The following CACNB2 variants were observed in gnomAD, a reference collection of about 807,000 sequenced individuals.
CACNB2 encodes the protein voltage-dependent L-type calcium channel subunit beta-2.
Under a neutral mutation model 73.3 loss-of-function variants are expected in CACNB2, and 42 were observed. The observed-to-expected ratio is 0.57, with a 90% confidence interval of 0.45 to 0.74. The LOEUF is 0.74. CACNB2 is among the 30% of genes least tolerant of loss of function. CACNB2 has a pLI of 0.00. For missense variants in CACNB2, 940 were observed against 853.0 expected, an observed-to-expected ratio of 1.10 and a Z score of -1.27; for synonymous variants, 348 against 310.3, an observed-to-expected ratio of 1.12 and a Z score of -1.28.
chr10:18,374,441 G>A (rs11013910), intron 2 of CACNB2, among the ~76,000 whole-genome samples: 15,830 of 152,204 alleles, frequency 0.1, 923 homozygotes, highest in Non-Finnish European at 0.12. Context: ...AATTAGTCAA[G>A]GCAAGGCCGG....
At chr10:18,142,372 C>G (rs780689468) in intron 1 of CACNB2, among the ~76,000 whole-genome samples, 29 of 152,176 alleles carry the variant, frequency 1.9e-4, no homozygotes, top group Non-Finnish European at 4.4e-5. Flanking sequence ...AGCTACATTC[C>G]CATCTGGCCT....
intron 9 of CACNB2, among the ~76,000 whole-genome samples, chr10:18,522,612 G>T (rs1445271606): frequency 6.6e-6 from 1 of 152,110 alleles, no homozygotes; most frequent in Admixed American, 6.5e-5. Flanking sequence ...GGGCTTGGTG[G>T]CTCCTGCCTG....
intron 2 of CACNB2, among the ~76,000 whole-genome samples, chr10:18,163,098 G>A (rs548457390): frequency 6.6e-6 from 1 of 152,240 alleles, no homozygotes; most frequent in East Asian, 1.9e-4. Context: ...CATACACAGA[G>A]GTCGAAGAGT....
intron 2 of CACNB2, among the ~76,000 whole-genome samples, chr10:18,332,458 A>T (rs1589062651): frequency 6.6e-6 from 1 of 152,200 alleles, no homozygotes; most frequent in South Asian, 2.1e-4. Context: ...AGAGTCATCA[A>T]ATTGGCGTTA....
chr10:18,317,479 T>C (rs1455211772), intron 2 of CACNB2, among the ~76,000 whole-genome samples: 3 of 152,212 alleles, frequency 2.0e-5, no homozygotes. Context: ...CGTGAGAACA[T>C]GTAGAATTTG....
intron 2 of CACNB2, among the ~76,000 whole-genome samples, chr10:18,385,004 G>T (rs1298478215): frequency 1.3e-5 from 2 of 152,020 alleles, no homozygotes; most frequent in South Asian, 2.1e-4. Context: ...TGCCGGCTGG[G>T]TGCGGTAGAT....
At chr10:18,207,531 C>A (rs1419912464) in intron 2 of CACNB2, among the ~76,000 whole-genome samples, 2 of 152,108 alleles carry the variant, frequency 1.3e-5, no homozygotes, top group Non-Finnish European at 1.5e-5. Context: ...AACTATATAT[C>A]TTAGTTAATA....
intron 3 of CACNB2, among the ~76,000 whole-genome samples, chr10:18,478,236 T>C (rs558952538): frequency 2.0e-5 from 3 of 151,848 alleles, no homozygotes; most frequent in East Asian, 1.9e-4. Context: ...CTGGCCGGAG[T>C]TTTTATTTTC....
rs935041873 is a variant in CACNB2, at chr10:18,541,278, G to A, written c.*1554G>A. On this transcript the variant is annotated 3_prime_UTR_variant, in exon 14 of 14. Coordinates refer to ENST00000324631, the MANE Select transcript of CACNB2 (RefSeq NM_201596.3). ...AGAAGAAATCAGGGCAAAATGGGGTGACTTGAAGTGAATAAAATGTTAAGA... is the reference window on the plus strand; with the variant it reads ...AGAAGAAATCAGGGCAAAATGGGGTAACTTGAAGTGAATAAAATGTTAAGA... The A allele has an allele frequency of 5.9e-5, 9 of 152,626 alleles. No individual in the cohort carries two copies. Among genetic ancestry groups the A allele is most frequent in the African/African-American group, 1.9e-4 (8 of 41,442 alleles). The allele number at this position is 152,626 out of a possible 1,614,324, so 9.5% of individuals were successfully genotyped here. A position where few individuals can be genotyped will look rare whatever the true frequency, so the allele number is the denominator to read the frequency against.
chr10:18,428,890 T>C (rs2209589), intron 3 of CACNB2, among the ~76,000 whole-genome samples: 135,668 of 152,196 alleles, frequency 0.89, 60,809 homozygotes, highest in African/African-American at 0.97. Flanking sequence ...ACTTGATTTA[T>C]ATTTTTGCCA....
intron 2 of CACNB2, among the ~76,000 whole-genome samples, chr10:18,152,928 G>C (rs1335360273): frequency 6.6e-6 from 1 of 152,102 alleles, no homozygotes. Context: ...CGTGAAGGCA[G>C]TCACTGGACT....
chr10:18,281,777 G>A (rs927685191), intron 2 of CACNB2, among the ~76,000 whole-genome samples: 1 of 151,938 alleles, frequency 6.6e-6, no homozygotes, highest in African/African-American at 2.4e-5. Context: ...TCAGGAGTTC[G>A]AGACCAGCCT....
chr10:18,212,384 A>AT (rs2035353408), intron 2 of CACNB2, among the ~76,000 whole-genome samples: 1 of 151,776 alleles, frequency 6.6e-6, no homozygotes, highest in African/African-American at 2.4e-5. Flanking sequence ...TTTTATATTG[A>AT]TTTGTAGAAG....
At chr10:18,176,632 C>T (rs368088104) in intron 2 of CACNB2, among the ~76,000 whole-genome samples, 15 of 149,772 alleles carry the variant, frequency 1.0e-4, no homozygotes, top group Non-Finnish European at 1.8e-4. Context: ...GAAGGTAAGT[C>T]TGTGAAGGTG....
chr10:18,291,587 G>A (rs184447035), intron 2 of CACNB2, among the ~76,000 whole-genome samples: 2 of 152,306 alleles, frequency 1.3e-5, no homozygotes, highest in African/African-American at 4.8e-5. Context: ...TACTTTCGCT[G>A]TTACTTATGA....
intron 6 of CACNB2, among the ~76,000 whole-genome samples, chr10:18,507,738 G>T (rs1047665942): frequency 6.6e-6 from 1 of 152,152 alleles, no homozygotes; most frequent in African/African-American, 2.4e-5. Context: ...TCAGCAAAAT[G>T]ATACTGTGTG....
intron 2 of CACNB2, among the ~76,000 whole-genome samples, chr10:18,202,951 A>T (rs558009248): frequency 6.6e-6 from 1 of 152,206 alleles, no homozygotes; most frequent in Non-Finnish European, 1.5e-5. Flanking sequence ...CTGGATTTTC[A>T]TCACTGGGAA....
At chr10:18,307,112 G>A (rs1300448366) in intron 2 of CACNB2, among the ~76,000 whole-genome samples, 1 of 151,976 alleles carries the variant, frequency 6.6e-6, no homozygotes, top group African/African-American at 2.4e-5. Flanking sequence ...AAAAAAATAA[G>A]CTAGGTGAAA....
chr10:18,466,524 T>C (rs2047896920), intron 3 of CACNB2, among the ~76,000 whole-genome samples: 1 of 152,160 alleles, frequency 6.6e-6, no homozygotes, highest in South Asian at 2.1e-4. Context: ...ATCAGCTTGG[T>C]TTTTTGGTCA....
Sources: allele counts gnomAD v4.1 joint callset (sites outside exome capture counted in the v4.1 genomes callset), GRCh38; gene constraint gnomAD v4.1.1; transcripts MANE v1.5; gene names NCBI Gene and HGNC (gene_info 2026-07-23, HGNC 2026-07-21).